The following PTPRB variants were observed in gnomAD, a reference collection of about 807,000 sequenced individuals.
PTPRB encodes protein tyrosine phosphatase receptor type B, also known as receptor-type tyrosine-protein phosphatase beta.
PTPRB carries 97 observed loss-of-function variants against 238.1 expected under a neutral mutation model. The observed-to-expected ratio is 0.41, with a 90% CI of 0.35 to 0.48. PTPRB has a LOEUF of 0.48. PTPRB is among the 20% of genes least tolerant of loss of function. The pLI, the probability that PTPRB is intolerant of heterozygous loss-of-function variation, is 0.30. For synonymous variants in PTPRB, 970 were observed against 995.4 expected, an observed-to-expected ratio of 0.97 and a Z score of 0.48; for missense variants, 2,292 against 2,681.9, an observed-to-expected ratio of 0.85 and a Z score of 3.21.
rs780122703 is a variant in PTPRB, at chr12:70,581,139, T to C, written c.2475A>G (p.Arg825=). The C allele has an allele frequency of 8.1e-6, 13 of 1,613,864 alleles. No individual in the cohort carries two copies. Among genetic ancestry groups the C allele is most frequent in the Non-Finnish European group, 2.5e-6 (3 of 1,179,900 alleles). The change falls in exon 10 of 34, where the codon AGA becomes AGG. Residue 825 remains arginine (R), a synonymous_variant. Transcript: ENST00000334414. The stretch of plus-strand genomic sequence containing the variant: ...CGGACTTGAGAGAGTGGAAGCTGTA[T>C]CTGCTGGTCTCACTGGAGATGCTTT... ...KNESISSETS[R]YSFHSLKSGS...
At position 70,594,456 on chromosome 12, in the gene PTPRB, G is replaced by A; in HGVS notation, c.1516+11C>T. ...ACTTTATTCTTCTTCAGCTAGCTAG[G>A]GGGAACTTACCTGTCCTGACTAGTT... is the stretch of plus-strand genomic sequence containing the variant. On this transcript the variant is annotated intron_variant, in intron 6 of 33. Coordinates refer to ENST00000334414, the MANE Select transcript of PTPRB (RefSeq NM_001109754.4). 1 of 1,611,254 alleles carries A rather than the reference G, an allele frequency of 6.2e-7. No individual in the cohort carries two copies. The highest frequency in any genetic ancestry group is 8.5e-7 in the Non-Finnish European group (1 of 1,177,884).
At position 70,559,390 on chromosome 12, in the gene PTPRB, T is replaced by C. The variant is rs768443437; in HGVS notation, c.4667A>G (p.Asp1556Gly). The C allele has an allele frequency of 6.2e-7, 1 of 1,613,928 alleles. No individual in the cohort carries two copies. Among genetic ancestry groups the C allele is most frequent in the South Asian group, 1.1e-5 (1 of 91,080 alleles). ...YQFNVKTVSG[D>G]SWKTYSKPIF... ...TGGTTTGCTGTAAGTTTTCCAGGAA[T>C]CACCACTGACAGTCTTGACGTTGAA... is the stretch of plus-strand genomic sequence containing the variant. The change falls in exon 18 of 34, where the codon GAT becomes GGT. Residue 1556 changes from aspartate (D) to glycine (G), a missense_variant. Asp to Gly is a moderately conservative substitution (Grantham distance 94, BLOSUM62 -1). This residue lies in a region of PTPRB where 683 missense variants were observed against 862.0 expected (regional missense o/e 0.79). Transcript: ENST00000334414.
intron 6 of PTPRB, among the ~76,000 whole-genome samples, chr12:70,593,459 G>C (rs986766385): frequency 3.5e-5 from 5 of 143,018 alleles, no homozygotes; most frequent in Admixed American, 1.5e-4. Context: ...GTTGCAGTGA[G>C]CTGAGATCGC....
chr12:70,628,667 G>A (rs1885311352), intron 2 of PTPRB, among the ~76,000 whole-genome samples: 1 of 152,206 alleles, frequency 6.6e-6, no homozygotes, highest in East Asian at 1.9e-4. Context: ...CAATAACTGG[G>A]TCACTGTAAG....
chr12:70,625,141 A>G (rs1885116245), intron 2 of PTPRB, among the ~76,000 whole-genome samples: 1 of 152,200 alleles, frequency 6.6e-6, no homozygotes, highest in South Asian at 2.1e-4. Flanking sequence ...ACTACAGAAT[A>G]TTCAGGTCCA....
At chr12:70,627,404 A>G (rs1885254730) in intron 2 of PTPRB, among the ~76,000 whole-genome samples, 1 of 152,252 alleles carries the variant, frequency 6.6e-6, no homozygotes, top group African/African-American at 2.4e-5. Flanking sequence ...TTTTAGGGCA[A>G]CACAATGATT....
At position 70,536,256 on chromosome 12, in the gene PTPRB, C is replaced by T. The variant is rs1326552616; in HGVS notation, c.5947-97G>A. The T allele has an allele frequency of 2.9e-6, 4 of 1,375,242 alleles. No individual in the cohort carries two copies. The African/African-American group carries it at 5.8e-5, about 20-fold the overall frequency. 85.2% of individuals were successfully genotyped at this position (1,375,242 alleles called of 1,614,324 possible). On this transcript the variant is annotated intron_variant, in intron 28 of 33. Coordinates refer to ENST00000334414, the MANE Select transcript of PTPRB (RefSeq NM_001109754.4). ...AGATTAGATGATAGGGAGGTCTCTG[C>T]CAAGTCTCTGACTTCAGAAAAAGAT... is the stretch of plus-strand genomic sequence containing the variant.
At chr12:70,581,852 C>T (rs1014602267) in intron 9 of PTPRB, among the ~76,000 whole-genome samples, 3 of 151,298 alleles carry the variant, frequency 2.0e-5, no homozygotes, top group Non-Finnish European at 4.4e-5. Context: ...ATAACAACAA[C>T]TACTGAAGGC....
At chr12:70,548,858 T>A (rs2136286972) in intron 21 of PTPRB, among the ~76,000 whole-genome samples, 1 of 152,346 alleles carries the variant, frequency 6.6e-6, no homozygotes, top group Middle Eastern at 3.4e-3. Flanking sequence ...ACGCTTTGAC[T>A]CCCACTATTC....
intron 32 of PTPRB, among the ~76,000 whole-genome samples, chr12:70,529,089 G>A (rs189649901): frequency 6.6e-6 from 1 of 152,016 alleles, no homozygotes; most frequent in Non-Finnish European, 1.5e-5. Context: ...GAGAAAGGGT[G>A]GTGCCTTGAG....
intron 32 of PTPRB, among the ~76,000 whole-genome samples, chr12:70,530,816 G>C (rs939953944): frequency 5.3e-5 from 8 of 152,192 alleles, no homozygotes; most frequent in South Asian, 2.1e-4. Context: ...GGCCTCAAGT[G>C]ATCTGCCCCT....
intron 14 of PTPRB, among the ~76,000 whole-genome samples, chr12:70,568,859 C>T (rs1565954924): frequency 6.6e-6 from 1 of 152,122 alleles, no homozygotes; most frequent in African/African-American, 2.4e-5. Context: ...TACTGTTTTA[C>T]AAGCTTTCTG....
intron 4 of PTPRB, among the ~76,000 whole-genome samples, chr12:70,596,971 G>A (rs1883081080): frequency 6.6e-6 from 1 of 151,408 alleles, no homozygotes; most frequent in African/African-American, 2.4e-5. Flanking sequence ...AGGCTGGAGT[G>A]CAGTGGCGTG....
chr12:70,575,644 C>T (rs1456665941), intron 11 of PTPRB, among the ~76,000 whole-genome samples: 1 of 152,152 alleles, frequency 6.6e-6, no homozygotes, highest in Non-Finnish European at 1.5e-5. Context: ...TTTTAAAATA[C>T]AGAAATCAAC....
At chr12:70,609,751 G>C in intron 3 of PTPRB, 1 of 1,573,802 alleles carries the variant, frequency 6.4e-7, no homozygotes, top group Non-Finnish European at 8.6e-7. Flanking sequence ...CCCCTTCTCG[G>C]GCCACTCACC....
intron 10 of PTPRB, among the ~76,000 whole-genome samples, chr12:70,578,032 CATTTT>C (rs1880978807): frequency 6.6e-6 from 1 of 152,104 alleles, no homozygotes; most frequent in African/African-American, 2.4e-5. Flanking sequence ...CAACTACTAA[CATTTT>C]ATTAGAAAAG....
Position 70,536,969 on chromosome 12 carries a change from A to AAATC in PTPRB, c.5947-814_5947-811dup, listed in dbSNP as rs143202821. Among the ~76,000 whole-genome samples the AAATC allele has an allele frequency of 6.9e-3, 1,047 of 152,304 alleles. 12 individuals carry two copies. The highest frequency in any genetic ancestry group is 0.024 in the African/African-American group (984 of 41,560). ...TGCCGTTCTCAGACCAGCAGCACTG[A>AAATC]AATCACCAAGAGGCTTGTCAGAAAT... On this transcript the variant is annotated intron_variant, in intron 28 of 33. Transcript: ENST00000334414.
chr12:70,580,821 A>G (rs1300263670), intron 10 of PTPRB, among the ~76,000 whole-genome samples: 2 of 151,466 alleles, frequency 1.3e-5, no homozygotes, highest in Non-Finnish European at 3.0e-5. Context: ...TCCGTCTCAA[A>G]AAAAAAAAAA....
intron 20 of PTPRB, 85 bp from the exon 21 acceptor site, chr12:70,553,105 C>A: frequency 6.9e-7 from 1 of 1,442,226 alleles, no homozygotes; most frequent in South Asian, 1.3e-5. Context: ...TCTAAGGCTG[C>A]CTCCACATCC....
Sources: allele counts gnomAD v4.1 joint callset (sites outside exome capture counted in the v4.1 genomes callset), GRCh38; gene constraint gnomAD v4.1.1; regional missense constraint gnomAD v4.1.1; transcripts MANE v1.5; gene names NCBI Gene and HGNC (gene_info 2026-07-23, HGNC 2026-07-21).